Variants in MARCHF1 observed in about 807,000 individuals in gnomAD.
MARCHF1 encodes E3 ubiquitin-protein ligase MARCHF1.
In MARCHF1, 40 loss-of-function variants were observed where a neutral mutation model predicts 54.2. The ratio of observed to expected loss-of-function variants is 0.74; its 90% CI spans 0.57 to 0.96. MARCHF1 has a LOEUF of 0.96. MARCHF1 is among the 40% of genes least tolerant of loss of function. The pLI is 0.00. For synonymous variants in MARCHF1, 236 were observed against 236.3 expected (o/e 1.00, Z 0.01); for missense variants, 586 against 656.5 (o/e 0.89, Z 1.17).
chr4:163,750,409 G>A (rs1241146935), intron 4 of MARCHF1, among the ~76,000 whole-genome samples: 1 of 151,640 alleles, frequency 6.6e-6, no homozygotes, highest in East Asian at 2.0e-4. Context: ...TACTCAGGAG[G>A]CTGGGGCAGG....
intron 3 of MARCHF1, among the ~76,000 whole-genome samples, chr4:163,883,199 T>C (rs1430313468): frequency 6.6e-6 from 1 of 151,626 alleles, no homozygotes; most frequent in Non-Finnish European, 1.5e-5. Flanking sequence ...CAAATAATAA[T>C]TTATTTATAA....
chr4:164,186,687 G>A (rs1383523882), intron 1 of MARCHF1, among the ~76,000 whole-genome samples: 1 of 152,158 alleles, frequency 6.6e-6, no homozygotes, highest in Non-Finnish European at 1.5e-5. Flanking sequence ...AAAGCCTCAG[G>A]GCAATGTTGA....
intron 3 of MARCHF1, among the ~76,000 whole-genome samples, chr4:163,949,804 G>C (rs1752097489): frequency 6.6e-6 from 1 of 152,028 alleles, no homozygotes; most frequent in Non-Finnish European, 1.5e-5. Flanking sequence ...CCTCTTTGCA[G>C]GCAGGTTGTC....
intron 1 of MARCHF1, among the ~76,000 whole-genome samples, chr4:164,238,214 T>G (rs568669941): frequency 6.6e-6 from 1 of 152,154 alleles, no homozygotes; most frequent in East Asian, 1.9e-4. Flanking sequence ...TAACTGTCGG[T>G]TTAGTTCAAA....
At chr4:164,066,777 C>T (rs1186604873) in intron 2 of MARCHF1, among the ~76,000 whole-genome samples, 1 of 152,076 alleles carries the variant, frequency 6.6e-6, no homozygotes, top group African/African-American at 2.4e-5. Flanking sequence ...AACAGAAAAC[C>T]AAATGCTGCA....
chr4:164,140,441 C>T (rs369795273), intron 1 of MARCHF1, among the ~76,000 whole-genome samples: 39 of 152,200 alleles, frequency 2.6e-4, no homozygotes, highest in African/African-American at 8.9e-4. Context: ...GACCGGATCA[C>T]TGCATTTGGA....
intron 8 of MARCHF1, among the ~76,000 whole-genome samples, chr4:163,575,669 A>G (rs769528856): frequency 4.7e-4 from 71 of 151,604 alleles, no homozygotes; most frequent in Non-Finnish European, 8.8e-4. Flanking sequence ...CTGTAAATCC[A>G]TCTGGTTTGG....
At chr4:164,323,720 G>T (rs962821241) in intron 1 of MARCHF1, among the ~76,000 whole-genome samples, 2 of 151,002 alleles carry the variant, frequency 1.3e-5, no homozygotes, top group Admixed American at 1.3e-4. Flanking sequence ...TGAAATTACG[G>T]CAGTAAATTT....
chr4:164,175,278 T>C (rs1299222119), intron 1 of MARCHF1, among the ~76,000 whole-genome samples: 4 of 152,192 alleles, frequency 2.6e-5, no homozygotes, highest in African/African-American at 7.2e-5. Context: ...GATTTATGCA[T>C]CTAAAAAGCT....
At position 164,383,923 on chromosome 4, in the gene MARCHF1, C is replaced by T. The variant is rs1731451679; in HGVS notation, c.-376G>A. On this transcript the variant is annotated 5_prime_UTR_variant, in exon 1 of 10. Transcript: ENST00000514618. ...CGCCAGGCTGCGTGCGGCCGGCATCCCGGGGCGCGGGCATTCTCCCATCCT... is the reference window on the plus strand; with the variant it reads ...CGCCAGGCTGCGTGCGGCCGGCATCTCGGGGCGCGGGCATTCTCCCATCCT... 6.6e-6 allele frequency: 1 copy of T among 152,384 alleles called. No individual in the cohort carries two copies. Among genetic ancestry groups the T allele is most frequent in the Non-Finnish European group, 1.5e-5 (1 of 68,216 alleles). The allele number at this position is 152,384 out of a possible 1,614,324, so 9.4% of individuals were successfully genotyped here. A position where few individuals can be genotyped will look rare whatever the true frequency, so the allele number is the denominator to read the frequency against.
chr4:164,327,799 A>G (rs1392397357), intron 1 of MARCHF1, among the ~76,000 whole-genome samples: 2 of 152,220 alleles, frequency 1.3e-5, no homozygotes, highest in Admixed American at 6.5e-5. Context: ...GGAATTTACA[A>G]TAACTTTCCA....
chr4:163,605,656 C>G (rs1741117462), intron 7 of MARCHF1, among the ~76,000 whole-genome samples: 1 of 152,078 alleles, frequency 6.6e-6, no homozygotes, highest in South Asian at 2.1e-4. Flanking sequence ...GGAACCAACC[C>G]AAATGTCCAT....
chr4:164,118,618 C>CT (rs1755991667), intron 1 of MARCHF1, among the ~76,000 whole-genome samples: 1 of 151,378 alleles, frequency 6.6e-6, no homozygotes, highest in African/African-American at 2.4e-5. Flanking sequence ...TTTAATATAT[C>CT]TTTTTTCACA....
chr4:164,081,403 G>A (rs1755098666), intron 2 of MARCHF1, among the ~76,000 whole-genome samples: 1 of 151,612 alleles, frequency 6.6e-6, no homozygotes, highest in Non-Finnish European at 1.5e-5. Flanking sequence ...GAATAACTTA[G>A]CAAAAAGACA....
At chr4:163,797,559 C>T (rs1291429764) in intron 4 of MARCHF1, among the ~76,000 whole-genome samples, 1 of 151,954 alleles carries the variant, frequency 6.6e-6, no homozygotes, top group Non-Finnish European at 1.5e-5. Flanking sequence ...TTTTAATTAA[C>T]ATCTCTTTTA....
At chr4:163,931,479 T>C (rs1041637131) in intron 3 of MARCHF1, among the ~76,000 whole-genome samples, 1 of 152,070 alleles carries the variant, frequency 6.6e-6, no homozygotes, top group Non-Finnish European at 1.5e-5. Flanking sequence ...TCAGGAGGCG[T>C]GTTTGCCCCT....
At chr4:164,279,473 T>C (rs1439352525) in intron 1 of MARCHF1, among the ~76,000 whole-genome samples, 1 of 151,534 alleles carries the variant, frequency 6.6e-6, no homozygotes, top group Non-Finnish European at 1.5e-5. Context: ...AATCAAAAAA[T>C]TTAAATTTCT....
Position 163,528,920 on chromosome 4 carries a change from T to C in MARCHF1, c.1466A>G (p.Asn489Ser), listed in dbSNP as rs1211814453. 6.2e-7 allele frequency: 1 copy of C among 1,613,378 alleles called. No individual in the cohort carries two copies. The highest frequency in any genetic ancestry group is 8.5e-7 in the Non-Finnish European group (1 of 1,179,566). ...VQLWRRLKAY[N>S]RVIFVQNCPD... ...GCAATTTTGTACAAAGATCACACGG[T>C]TGTAGGCCTTCAGCCTGCGCCACAA... Residue 489 changes from asparagine (N) to serine (S), a missense_variant, in exon 10 of 10, where the codon AAC (asparagine) becomes AGC (serine). Asn to Ser is a conservative substitution (Grantham distance 46). Around this residue, in one of 3 missense-constraint regions of MARCHF1, gnomAD observed 106 missense variants for 93.8 expected, o/e 1.13. Transcript: ENST00000514618.
At chr4:163,892,491 G>C (rs972089377) in intron 3 of MARCHF1, among the ~76,000 whole-genome samples, 2 of 151,634 alleles carry the variant, frequency 1.3e-5, no homozygotes, top group South Asian at 2.1e-4. Flanking sequence ...ACCTTCTAGA[G>C]TTGTCATCAG....
Sources: gnomAD v4.1 joint callset for allele counts (sites outside exome capture counted in the v4.1 genomes callset) on GRCh38, gnomAD v4.1.1 for gene constraint, gnomAD v4.1.1 regional missense constraint, MANE v1.5 for transcripts, NCBI Gene and HGNC (gene_info 2026-07-23, HGNC 2026-07-21) for gene names.